SUPT3H: variants seen among roughly 807,000 people sequenced by gnomAD.
SUPT3H encodes transcription initiation protein SPT3 homolog.
Under a neutral mutation model 44.3 loss-of-function variants are expected in SUPT3H, and 44 were observed. That is an observed-to-expected ratio of 0.99 (90% CI 0.78 to 1.28). The LOEUF is 1.28. Ranked by LOEUF, SUPT3H falls within the 50% of genes most tolerant of loss-of-function variation. The probability of loss-of-function intolerance (pLI) is 0.00; values close to 1 mark genes in which losing one functional copy is unlikely to be tolerated. For missense variants in SUPT3H, 380 were observed against 387.1 expected, an observed-to-expected ratio of 0.98 and a Z score of 0.15; for synonymous variants, 124 against 125.6, an observed-to-expected ratio of 0.99 and a Z score of 0.09.
rs116692135 is a variant in SUPT3H, at chr6:45,187,925, T to G, written c.102-81919A>C. Among the ~76,000 whole-genome samples the G allele has an allele frequency of 2.6e-3, 403 of 152,320 alleles. 4 individuals carry two copies. The highest frequency in any genetic ancestry group is 9.5e-3 in the African/African-American group (395 of 41,566). ...TCTACTGTCAACTGTGGTCAGAAAA[T>G]ATTACATGGAAAATTCAAGAAATAA... On this transcript the variant is annotated intron_variant, in intron 2 of 10. Coordinates refer to ENST00000371459, the MANE Select transcript of SUPT3H (RefSeq NM_003599.4).
chr6:45,330,968 A>C (rs546321644), intron 2 of SUPT3H, among the ~76,000 whole-genome samples: 6 of 152,126 alleles, frequency 3.9e-5, no homozygotes, highest in Admixed American at 2.6e-4. Context: ...TTATATAATG[A>C]TTATCACCAC....
chr6:44,960,424 A>G (rs893824727), intron 7 of SUPT3H, among the ~76,000 whole-genome samples: 2 of 150,798 alleles, frequency 1.3e-5, no homozygotes, highest in East Asian at 3.9e-4. Context: ...CATCTCAAAA[A>G]AAAAAAAAAA....
intron 5 of SUPT3H, among the ~76,000 whole-genome samples, chr6:45,007,974 AT>A (rs931571246): frequency 1.3e-5 from 2 of 152,064 alleles, no homozygotes; most frequent in African/African-American, 4.8e-5. Flanking sequence ...TTAGCTTAAT[AT>A]TTTCAAGGTT....
intron 2 of SUPT3H, among the ~76,000 whole-genome samples, chr6:45,342,563 A>C (rs1790020320): frequency 6.6e-6 from 1 of 152,266 alleles, no homozygotes; most frequent in Admixed American, 6.5e-5. Context: ...CCAGCCCTAC[A>C]ATCTCCATTT....
intron 3 of SUPT3H, among the ~76,000 whole-genome samples, chr6:45,040,092 A>T (rs9357465): frequency 1.6e-4 from 24 of 152,136 alleles, no homozygotes; most frequent in Non-Finnish European, 1.6e-4. Context: ...AATATAAAGG[A>T]CCAAATAATA....
intron 10 of SUPT3H, among the ~76,000 whole-genome samples, chr6:44,903,220 CA>C (rs1765401913): frequency 1.3e-5 from 2 of 152,096 alleles, no homozygotes; most frequent in East Asian, 1.9e-4. Context: ...AAAAACCCTT[CA>C]AAAAATCAAT....
At chr6:45,083,805 T>C (rs1280582787) in intron 3 of SUPT3H, among the ~76,000 whole-genome samples, 2 of 151,764 alleles carry the variant, frequency 1.3e-5, no homozygotes, top group African/African-American at 2.4e-5. Context: ...TCTACAACCA[T>C]CTGATCTTTG....
intron 2 of SUPT3H, among the ~76,000 whole-genome samples, chr6:45,251,367 T>G (rs1024077618): frequency 6.7e-6 from 1 of 149,852 alleles, no homozygotes; most frequent in Non-Finnish European, 1.5e-5. Context: ...TTCTTTAAAC[T>G]TATTCTAAAT....
chr6:45,254,133 G>A (rs925925373), intron 2 of SUPT3H, among the ~76,000 whole-genome samples: 4 of 151,840 alleles, frequency 2.6e-5, no homozygotes, highest in Admixed American at 6.6e-5. Context: ...TTTGGCAACT[G>A]GGATAAAAGT....
chr6:45,295,670 AC>A (rs1160417600), intron 2 of SUPT3H, among the ~76,000 whole-genome samples: 3 of 152,262 alleles, frequency 2.0e-5, no homozygotes, highest in East Asian at 1.9e-4. Context: ...CAAGAAAAAA[AC>A]AATCCCATCA....
At chr6:44,996,573 C>G (rs1427264248) in intron 6 of SUPT3H, among the ~76,000 whole-genome samples, 1 of 151,706 alleles carries the variant, frequency 6.6e-6, no homozygotes, top group Non-Finnish European at 1.5e-5. Flanking sequence ...GAAAAATTCA[C>G]AAAATTTAGC....
intron 10 of SUPT3H, among the ~76,000 whole-genome samples, chr6:44,858,077 G>C (rs1774036124): frequency 6.6e-6 from 1 of 152,036 alleles, no homozygotes; most frequent in South Asian, 2.1e-4. Context: ...ACAAAATCAG[G>C]CCTCGCCCAA....
intron 10 of SUPT3H, among the ~76,000 whole-genome samples, chr6:44,928,882 C>CAAAAAAAAAAAAAA (rs35656937): frequency 1.9e-4 from 4 of 20,626 alleles, no homozygotes; most frequent in African/African-American, 6.3e-4. Context: ...GACTCCGTCT[C>CAAAAAAAAAAAAAA]AAAAAAAAAA....
At chr6:45,306,309 C>T (rs1486356588) in intron 2 of SUPT3H, among the ~76,000 whole-genome samples, 3 of 152,212 alleles carry the variant, frequency 2.0e-5, no homozygotes, top group Non-Finnish European at 4.4e-5. Flanking sequence ...ACCTTAGCAG[C>T]CATTGTCACC....
chr6:44,955,000 A>C (rs972717028), intron 7 of SUPT3H, among the ~76,000 whole-genome samples: 1 of 152,254 alleles, frequency 6.6e-6, no homozygotes, highest in Non-Finnish European at 1.5e-5. Flanking sequence ...TATAGAAAGA[A>C]AATCTTGCAA....
At chr6:44,987,517 T>C (rs78187917) in intron 6 of SUPT3H, among the ~76,000 whole-genome samples, 109 of 152,152 alleles carry the variant, frequency 7.2e-4, no homozygotes, top group African/African-American at 2.6e-3. Flanking sequence ...ACCAATGTAT[T>C]TGGCAACAAT....
intron 10 of SUPT3H, among the ~76,000 whole-genome samples, chr6:44,849,758 A>G (rs1467006467): frequency 1.3e-5 from 2 of 151,498 alleles, no homozygotes; most frequent in East Asian, 3.9e-4. Context: ...AACAGCTTAC[A>G]AGACCTACAC....
intron 2 of SUPT3H, among the ~76,000 whole-genome samples, chr6:45,330,820 G>C (rs1024687184): frequency 6.6e-6 from 1 of 151,698 alleles, no homozygotes; most frequent in African/African-American, 2.4e-5. Context: ...AGCCTGAATA[G>C]AGAACTTAAC....
intron 10 of SUPT3H, among the ~76,000 whole-genome samples, chr6:44,886,800 C>T (rs1365750010): frequency 6.6e-6 from 1 of 152,048 alleles, no homozygotes; most frequent in Non-Finnish European, 1.5e-5. Context: ...ACTAAATGCT[C>T]CAATTAAAAG....
Sources: allele counts gnomAD v4.1 joint callset (sites outside exome capture counted in the v4.1 genomes callset), GRCh38; gene constraint gnomAD v4.1.1; transcripts MANE v1.5; gene names NCBI Gene and HGNC (gene_info 2026-07-23, HGNC 2026-07-21).